LARP1: variants seen among roughly 807,000 people sequenced by gnomAD.
LARP1 encodes the protein La ribonucleoprotein 1, translational regulator, also known as la-related protein 1.
LARP1 carries 36 observed loss-of-function variants against 122.7 expected under a neutral mutation model. The ratio of observed to expected loss-of-function variants is 0.29; its 90% CI spans 0.22 to 0.39. The LOEUF (loss-of-function observed/expected upper bound fraction) is 0.39, where lower values mean the gene tolerates loss of function less well. Ranked by LOEUF, LARP1 falls within the 10% of genes least tolerant of loss-of-function variation. The pLI, the probability that LARP1 is intolerant of heterozygous loss-of-function variation, is 1.00. For synonymous variants in LARP1, 539 were observed against 528.7 expected (o/e 1.02, Z -0.27); for missense variants, 1,040 against 1,403.6 (o/e 0.74, Z 4.14).
intron 1 of LARP1, among the ~76,000 whole-genome samples, chr5:154,706,040 A>C (rs7734591): frequency 0.37 from 55,887 of 151,900 alleles, 11,738 homozygotes; most frequent in Non-Finnish European, 0.49. Context: ...TCACGCCTGT[A>C]ATCCCAGCAC....
At chr5:154,777,585 C>G (rs1408259358) in intron 1 of LARP1, among the ~76,000 whole-genome samples, 1 of 152,066 alleles carries the variant, frequency 6.6e-6, no homozygotes, top group Admixed American at 6.6e-5. Context: ...CTTCTTCATA[C>G]CCCCTGCTTC....
At chr5:154,744,990 C>G (rs1753114521) in intron 1 of LARP1, among the ~76,000 whole-genome samples, 1 of 150,232 alleles carries the variant, frequency 6.7e-6, no homozygotes, top group Admixed American at 6.7e-5. Context: ...CCAGTGGCAC[C>G]ATCTCTGCTC....
chr5:154,698,713 T>C (rs748146477), intron 1 of LARP1, among the ~76,000 whole-genome samples: 2 of 152,228 alleles, frequency 1.3e-5, no homozygotes, highest in South Asian at 4.1e-4. Flanking sequence ...TGTGTGTGAT[T>C]ATATCTCGGT....
intron 1 of LARP1, among the ~76,000 whole-genome samples, chr5:154,775,410 C>G (rs1180647733): frequency 6.6e-6 from 1 of 151,660 alleles, no homozygotes; most frequent in African/African-American, 2.4e-5. Flanking sequence ...GGAGGATCAC[C>G]TGAACCCGGG....
intron 1 of LARP1, among the ~76,000 whole-genome samples, chr5:154,743,312 A>AT (rs145147128): frequency 0.46 from 68,626 of 148,006 alleles, 16,829 homozygotes; most frequent in Middle Eastern, 0.57. Flanking sequence ...ATTCTTATTT[A>AT]TTTATTTTTT....
chr5:154,739,451 G>A (rs566445887), intron 1 of LARP1, among the ~76,000 whole-genome samples: 108 of 152,312 alleles, frequency 7.1e-4, no homozygotes, highest in African/African-American at 2.6e-3. Context: ...AGCGGTAAGG[G>A]CTTCTCCAAC....
At chr5:154,805,187 TAAC>T (rs1487219037) in intron 14 of LARP1, 6 of 326,310 alleles carry the variant, frequency 1.8e-5, no homozygotes, top group East Asian at 1.6e-4. Context: ...TTTACCTACT[TAAC>T]AAACCTGTAC....
Position 154,727,994 on chromosome 5 carries a change from G to A in LARP1, c.205+14864G>A, listed in dbSNP as rs371343526. 6.2e-4 allele frequency among the ~76,000 whole-genome samples: 94 copies of A among 152,246 alleles called. No homozygotes were observed. In the South Asian group the frequency reaches 0.018, roughly 29 times the overall value. ...GAGGCAGGAGAATCGCTCAAACCCCGGTGGTGGAGGTTGCAGTGAGCTGAG... is the reference window on the plus strand; with the variant it reads ...GAGGCAGGAGAATCGCTCAAACCCCAGTGGTGGAGGTTGCAGTGAGCTGAG... On this transcript the variant is annotated intron_variant, in intron 1 of 18. Transcript: ENST00000336314.
intron 1 of LARP1, among the ~76,000 whole-genome samples, chr5:154,776,558 G>A (rs1409500646): frequency 1.3e-5 from 2 of 152,148 alleles, no homozygotes; most frequent in Non-Finnish European, 2.9e-5. Context: ...TTCCTTCCTG[G>A]CAGTCTCACT....
intron 1 of LARP1, among the ~76,000 whole-genome samples, chr5:154,783,845 GGTTGAGATCT>G (rs1322239455): frequency 1.3e-5 from 2 of 152,172 alleles, no homozygotes; most frequent in Admixed American, 6.5e-5. Context: ...AAATCTCAGT[GGTTGAGATCT>G]GTCTTTCTGT....
upstream of LARP1, among the ~76,000 whole-genome samples, chr5:154,754,385 A>G (rs1753667440): frequency 1.3e-5 from 2 of 152,280 alleles, no homozygotes; most frequent in Admixed American, 1.3e-4. Flanking sequence ...CCTTCATTTT[A>G]CAATAGAGAA....
At position 154,801,386 on chromosome 5, in the gene LARP1, G is replaced by C; in HGVS notation, c.1717-621G>C. Among the ~76,000 whole-genome samples the C allele has an allele frequency of 1.3e-5, 2 of 152,164 alleles. 1 individual carries two copies. The highest frequency in any genetic ancestry group is 2.9e-5 in the Non-Finnish European group (2 of 68,028). On this transcript the variant is annotated intron_variant, in intron 10 of 18. Coordinates refer to ENST00000518297, the MANE Select transcript of LARP1 (RefSeq NM_033551.3). ...TTTAACTGTGTGCATCCACAAACCT[G>C]CTTATAGCCTTTACCATACCACAAT...
rs1561551396 is a variant in LARP1 at position 154,732,193 on chromosome 5, AAAAAAAAAAAAAG to A, written c.205+19067_205+19079del. 1.7e-4 allele frequency among the ~76,000 whole-genome samples: 17 copies of A among 101,032 alleles called. 1 individual carries two copies. The highest frequency in any genetic ancestry group is 2.8e-4 in the Non-Finnish European group (12 of 42,264). The allele number at this position is 101,032 out of a possible 152,430, so 66.3% of individuals were successfully genotyped here. ...ACAAAACAAAACAAAACAAAACAAA[AAAAAAAAAAAAAG>A]AAAGGTGAATCTGGTGCAAACCATA... On this transcript the variant is annotated intron_variant, in intron 1 of 18. Transcript: ENST00000336314.
intron 15 of LARP1, among the ~76,000 whole-genome samples, chr5:154,807,264 C>T (rs1346934229): frequency 2.0e-5 from 3 of 152,062 alleles, no homozygotes; most frequent in Non-Finnish European, 4.4e-5. Context: ...GTTGTTTCTA[C>T]TTTTTGTCTA....
chr5:154,748,249 C>G (rs1256129317), intron 1 of LARP1, among the ~76,000 whole-genome samples: 3 of 152,206 alleles, frequency 2.0e-5, no homozygotes, highest in Non-Finnish European at 4.4e-5. Context: ...CAGTGTTGCT[C>G]TGGTTGCCAC....
intron 1 of LARP1, among the ~76,000 whole-genome samples, chr5:154,689,474 A>G (rs1754089810): frequency 6.6e-6 from 1 of 151,554 alleles, no homozygotes; most frequent in Non-Finnish European, 1.5e-5. Flanking sequence ...ATAAAAAATA[A>G]TCTGGCGAGG....
chr5:154,766,026 T>A (rs1340887245), intron 1 of LARP1, among the ~76,000 whole-genome samples: 6 of 152,096 alleles, frequency 3.9e-5, no homozygotes, highest in Non-Finnish European at 4.4e-5. Context: ...TCAGTATAGG[T>A]CAGAGAAGTC....
chr5:154,771,157 C>T (rs1360027778), intron 1 of LARP1, among the ~76,000 whole-genome samples: 2 of 151,556 alleles, frequency 1.3e-5, no homozygotes, highest in Non-Finnish European at 2.9e-5. Flanking sequence ...CTGTCAAGTG[C>T]AGTGCTTATC....
intron 1 of LARP1, among the ~76,000 whole-genome samples, chr5:154,723,516 A>G (rs1001852256): frequency 5.3e-5 from 8 of 152,180 alleles, no homozygotes; most frequent in African/African-American, 1.9e-4. Context: ...TGGTATAGGC[A>G]AAGGTGGAGA....
Sources: gnomAD v4.1 joint callset for allele counts (sites outside exome capture counted in the v4.1 genomes callset) on GRCh38, gnomAD v4.1.1 for gene constraint, MANE v1.5 for transcripts, NCBI Gene and HGNC (gene_info 2026-07-23, HGNC 2026-07-21) for gene names.